The following CNTNAP2 variants were observed in gnomAD, a reference collection of about 807,000 sequenced individuals.
CNTNAP2 encodes contactin-associated protein-like 2.
CNTNAP2 carries 98 observed loss-of-function variants against 155.2 expected under a neutral mutation model. The observed-to-expected ratio is 0.63, with a 90% CI of 0.54 to 0.75. CNTNAP2 has a LOEUF of 0.75. Among genes scored for constraint, CNTNAP2 ranks in the 30% least tolerant of loss-of-function variants. The pLI, the probability that CNTNAP2 is intolerant of heterozygous loss-of-function variation, is 0.00. For missense variants in CNTNAP2, 1,727 were observed against 1,688.1 expected (o/e 1.02, Z -0.40); for synonymous variants, 651 against 631.2 (o/e 1.03, Z -0.47).
intron 4 of CNTNAP2, among the ~76,000 whole-genome samples, chr7:147,078,701 C>A (rs1800047092): frequency 6.6e-6 from 1 of 151,936 alleles, no homozygotes; most frequent in African/African-American, 2.4e-5. Context: ...AAAAAACTCT[C>A]TATCTAGTCT....
chr7:147,992,688 G>A lies in CNTNAP2; in HGVS notation c.2383+14699G>A, dbSNP rs1035115759. On this transcript the variant is annotated intron_variant, in intron 15 of 23. Transcript: ENST00000361727. ...AGTTGCTAGACCAACACTTAATCAA[G>A]AATCTCTCACACTGTCTAAGGGTGA... 3.9e-5 allele frequency among the ~76,000 whole-genome samples: 6 copies of A among 152,294 alleles called. No individual in the cohort carries two copies. In the South Asian group the frequency reaches 1.0e-3, roughly 26 times the overall value.
At chr7:148,411,278 T>G (rs1799831688) in intron 23 of CNTNAP2, among the ~76,000 whole-genome samples, 1 of 152,214 alleles carries the variant, frequency 6.6e-6, no homozygotes, top group African/African-American at 2.4e-5. Context: ...TATTATTATT[T>G]TTTGAGACAG....
At chr7:147,040,582 T>C (rs1170349186) in intron 3 of CNTNAP2, among the ~76,000 whole-genome samples, 1 of 150,134 alleles carries the variant, frequency 6.7e-6, no homozygotes, top group African/African-American at 2.5e-5. Flanking sequence ...TGCCTCAGCC[T>C]TCCAAGTAGC....
intron 8 of CNTNAP2, among the ~76,000 whole-genome samples, chr7:147,202,716 A>C (rs745893711): frequency 6.6e-6 from 1 of 152,086 alleles, no homozygotes; most frequent in Non-Finnish European, 1.5e-5. Flanking sequence ...CAAACACCGC[A>C]TGTTCTCACT....
chr7:147,264,695 A>T (rs529951869), intron 8 of CNTNAP2, among the ~76,000 whole-genome samples: 116 of 151,604 alleles, frequency 7.7e-4, no homozygotes, highest in African/African-American at 2.8e-3. Flanking sequence ...CCTTTATACC[A>T]GCAGCCACAA....
intron 4 of CNTNAP2, among the ~76,000 whole-genome samples, chr7:147,077,561 C>G (rs1444809884): frequency 6.6e-6 from 1 of 152,134 alleles, no homozygotes; most frequent in Non-Finnish European, 1.5e-5. Flanking sequence ...TTTTACCACT[C>G]TTGTCAATGG....
At chr7:146,265,457 CTTT>C (rs796634792) in intron 1 of CNTNAP2, among the ~76,000 whole-genome samples, 1 of 135,592 alleles carries the variant, frequency 7.4e-6, no homozygotes, top group Non-Finnish European at 1.6e-5. Flanking sequence ...TTCTTTCTTT[CTTT>C]TTTTTTTTTT....
At chr7:146,698,166 G>T (rs891508258) in intron 1 of CNTNAP2, among the ~76,000 whole-genome samples, 5 of 151,818 alleles carry the variant, frequency 3.3e-5, no homozygotes, top group Admixed American at 3.3e-4. Flanking sequence ...CCAAAATATT[G>T]CTGCTATTAT....
intron 1 of CNTNAP2, among the ~76,000 whole-genome samples, chr7:146,537,982 C>G (rs190512869): frequency 1.1e-4 from 16 of 152,116 alleles, no homozygotes; most frequent in Admixed American, 9.2e-4. Context: ...ATAACATAAT[C>G]TGATTTACAT....
chr7:148,118,489 C>T (rs1330040957), intron 16 of CNTNAP2, among the ~76,000 whole-genome samples: 1 of 152,124 alleles, frequency 6.6e-6, no homozygotes, highest in African/African-American at 2.4e-5. Context: ...GGGAAGCAGG[C>T]ACATCCAGAT....
chr7:147,275,368 T>C (rs1169969595), intron 8 of CNTNAP2, among the ~76,000 whole-genome samples: 1 of 151,914 alleles, frequency 6.6e-6, no homozygotes, highest in East Asian at 1.9e-4. Context: ...TAAAGATCTT[T>C]CACCTCCTTG....
chr7:146,452,957 T>A (rs1796504361), intron 1 of CNTNAP2, among the ~76,000 whole-genome samples: 1 of 152,164 alleles, frequency 6.6e-6, no homozygotes, highest in African/African-American at 2.4e-5. Context: ...GGAAACAAAT[T>A]TGAAGAGACC....
chr7:148,010,360 T>C (rs750603028), intron 15 of CNTNAP2, among the ~76,000 whole-genome samples: 4 of 151,950 alleles, frequency 2.6e-5, no homozygotes, highest in African/African-American at 4.8e-5. Context: ...AAGTTTTAAT[T>C]TGAATATAGT....
intron 13 of CNTNAP2, among the ~76,000 whole-genome samples, chr7:147,757,199 G>A (rs905857886): frequency 6.6e-6 from 1 of 152,164 alleles, no homozygotes; most frequent in Non-Finnish European, 1.5e-5. Flanking sequence ...GGACAGTCAG[G>A]CACCAATCCT....
intron 11 of CNTNAP2, among the ~76,000 whole-genome samples, chr7:147,489,288 C>T (rs1452551238): frequency 6.6e-6 from 1 of 152,138 alleles, no homozygotes; most frequent in Non-Finnish European, 1.5e-5. Context: ...GGATGTCTCC[C>T]TTTGGGATGA....
intron 1 of CNTNAP2, among the ~76,000 whole-genome samples, chr7:146,175,522 C>A (rs34323929): frequency 0.054 from 8,274 of 152,140 alleles, 252 homozygotes; most frequent in Middle Eastern, 0.1. Context: ...ATTACATGAA[C>A]CTGGTATCAG....
At chr7:146,240,578 G>A (rs1386053344) in intron 1 of CNTNAP2, among the ~76,000 whole-genome samples, 4 of 151,336 alleles carry the variant, frequency 2.6e-5, no homozygotes, top group Admixed American at 6.6e-5. Context: ...TACATTAAAT[G>A]CATATAATAT....
chr7:146,634,095 C>T (rs1799557778), intron 1 of CNTNAP2, among the ~76,000 whole-genome samples: 1 of 152,072 alleles, frequency 6.6e-6, no homozygotes, highest in Non-Finnish European at 1.5e-5. Context: ...CACCCAACCA[C>T]ATCGTTTAAA....
Position 148,067,132 on chromosome 7 carries a change from A to G in CNTNAP2, c.2384-50986A>G, listed in dbSNP as rs187579833. ...GAAGATTTCTTATTGGTTTGAACCC[A>G]TTGCTGGCGAGCTAGTGTGATCTTT... On this transcript the variant is annotated intron_variant, in intron 15 of 23. Transcript: ENST00000361727. Among the ~76,000 whole-genome samples the G allele has an allele frequency of 2.4e-4, 37 of 152,278 alleles. No individual in the cohort carries two copies. The East Asian group carries it at 6.6e-3, about 27-fold the overall frequency.
Sources: allele counts gnomAD v4.1 joint callset (sites outside exome capture counted in the v4.1 genomes callset), GRCh38; gene constraint gnomAD v4.1.1; transcripts MANE v1.5; gene names NCBI Gene and HGNC (gene_info 2026-07-23, HGNC 2026-07-21).